Variants in ORC3 observed in about 807,000 individuals in gnomAD.
ORC3 encodes the protein homolog of latheo, Drosophila.
Under a neutral mutation model 100.7 loss-of-function variants are expected in ORC3, and 78 were observed. The ratio of observed to expected loss-of-function variants is 0.77; its 90% CI spans 0.65 to 0.94. The LOEUF (loss-of-function observed/expected upper bound fraction) is 0.94, where lower values mean the gene tolerates loss of function less well. Ranked by LOEUF, ORC3 falls within the 40% of genes least tolerant of loss-of-function variation. ORC3 has a pLI of 0.00. For synonymous variants in ORC3, 295 were observed against 289.3 expected (o/e 1.02, Z -0.20); for missense variants, 789 against 823.9 (o/e 0.96, Z 0.52).
intron 13 of ORC3, 66 bp from the exon 14 acceptor site, chr6:87,653,050 A>C (rs984804566): frequency 8.7e-6 from 11 of 1,267,940 alleles, no homozygotes; most frequent in Non-Finnish European, 1.2e-5. Flanking sequence ...TGTATATTAA[A>C]TAAAATGTTT....
chr6:87,672,477 A>AAGAG, the ORC3 span, among the ~76,000 whole-genome samples: 1 of 152,228 alleles, frequency 6.6e-6, no homozygotes, highest in East Asian at 1.9e-4. Flanking sequence ...ATGCAGGAGC[A>AAGAG]AGAGAATTGT....
Position 87,656,804 on chromosome 6 carries a change from A to T in ORC3, c.1517-102A>T, listed in dbSNP as rs113065927. On this transcript the variant is annotated intron_variant, in intron 14 of 19. Transcript: ENST00000392844. ...TCTTGATCCCTTGCCACATTAAAAA[A>T]ATATATATAGGTGAAACTTTTACTT... 3.2e-4 allele frequency: 225 copies of T among 713,150 alleles called. 1 individual carries two copies. In the African/African-American group the frequency reaches 3.4e-3, roughly 11 times the overall value. The allele number at this position is 713,150 out of a possible 1,614,324, so 44.2% of individuals were successfully genotyped here. A position where few individuals can be genotyped will look rare whatever the true frequency, so the allele number is the denominator to read the frequency against.
chr6:87,645,803 A>G (rs528693427), intron 13 of ORC3, among the ~76,000 whole-genome samples: 1 of 152,234 alleles, frequency 6.6e-6, no homozygotes, highest in African/African-American at 2.4e-5. Context: ...GCTTTTAATG[A>G]TTGCTTAATG....
intron 16 of ORC3, among the ~76,000 whole-genome samples, chr6:87,658,584 G>C (rs1206951799): frequency 6.6e-6 from 1 of 152,028 alleles, no homozygotes; most frequent in East Asian, 1.9e-4. Flanking sequence ...TACTTCATTA[G>C]GTCAGGTGGG....
At chr6:87,642,641 G>A (rs191442119) in intron 13 of ORC3, among the ~76,000 whole-genome samples, 13 of 151,988 alleles carry the variant, frequency 8.6e-5, no homozygotes, top group South Asian at 2.1e-4. Context: ...GGTGGCTCAC[G>A]CCTGTAATCC....
intron 16 of ORC3, among the ~76,000 whole-genome samples, chr6:87,658,612 G>A (rs1041119077): frequency 6.6e-6 from 1 of 152,142 alleles, no homozygotes; most frequent in Non-Finnish European, 1.5e-5. Flanking sequence ...GAGATAGAAA[G>A]TGAATGTTTC....
intron 2 of ORC3, among the ~76,000 whole-genome samples, chr6:87,598,392 A>T (rs1777622050): frequency 6.6e-6 from 1 of 152,232 alleles, no homozygotes; most frequent in African/African-American, 2.4e-5. Context: ...GAAATATATA[A>T]GGATACTTAG....
chr6:87,643,440 A>T (rs1768440923), intron 13 of ORC3, among the ~76,000 whole-genome samples: 1 of 151,622 alleles, frequency 6.6e-6, no homozygotes, highest in Non-Finnish European at 1.5e-5. Context: ...GGAGGGGGAA[A>T]CTTTTGAGGA....
chr6:87,627,058 C>T (rs1329685126), intron 11 of ORC3, among the ~76,000 whole-genome samples: 1 of 151,344 alleles, frequency 6.6e-6, no homozygotes, highest in Non-Finnish European at 1.5e-5. Flanking sequence ...AGTGTAATGG[C>T]GTTATCTCGG....
chr6:87,599,190 A>G (rs936302148), intron 2 of ORC3, among the ~76,000 whole-genome samples: 1 of 152,128 alleles, frequency 6.6e-6, no homozygotes, highest in African/African-American at 2.4e-5. Flanking sequence ...CCCAGTTTCT[A>G]AGAGGTTTTT....
intron 13 of ORC3, among the ~76,000 whole-genome samples, chr6:87,640,790 G>A (rs961714638): frequency 2.2e-4 from 34 of 152,180 alleles, no homozygotes; most frequent in African/African-American, 7.9e-4. Context: ...CATAAATAAG[G>A]TTTTAAGGGT....
At chr6:87,590,230 G>C in intron 1 of ORC3, 38 bp downstream of exon 1, 1 of 1,605,534 alleles carries the variant, frequency 6.2e-7, no homozygotes, top group African/African-American at 1.3e-5. Flanking sequence ...CTCTACCGCT[G>C]CCTCATTCCC....
intron 8 of ORC3, among the ~76,000 whole-genome samples, chr6:87,615,812 G>A (rs568223313): frequency 6.6e-6 from 1 of 152,264 alleles, no homozygotes; most frequent in South Asian, 2.1e-4. Context: ...CATCACTATA[G>A]ACAATTGAAA....
In ORC3 at chr6:87,594,374, A is replaced by T. The variant is rs1240957378; in HGVS notation, c.46A>T (p.Asn16Tyr). 1 of 1,585,270 alleles carries T rather than the reference A, an allele frequency of 6.3e-7. No homozygotes were observed. The highest frequency in any genetic ancestry group is 1.3e-5 in the African/African-American group (1 of 74,576). The change falls in exon 2 of 20, where the codon AAC (asparagine) becomes TAC (tyrosine). Residue 16 changes from asparagine to tyrosine, a missense_variant. Transcript: ENST00000392844. Reference protein sequence around the residue: ...MSKGCFVFKPNSKKRKISLPI... With the variant: ...MSKGCFVFKPYSKKRKISLPI... ...ATAGGGTTGCTTTGTTTTTAAGCCAAACTCCAAAAAGAGAAAGATCTCTCT... is the reference window on the plus strand; with the variant it reads ...ATAGGGTTGCTTTGTTTTTAAGCCATACTCCAAAAAGAGAAAGATCTCTCT...
downstream of ORC3, among the ~76,000 whole-genome samples, chr6:87,667,947 T>G (rs780320480): frequency 6.6e-4 from 100 of 150,846 alleles, 1 homozygote; most frequent in Non-Finnish European, 8.0e-4. Context: ...AGTCCCAAAC[T>G]GTTTGGCTTT....
chr6:87,656,595 A>G (rs1769713777), intron 14 of ORC3, among the ~76,000 whole-genome samples: 2 of 152,040 alleles, frequency 1.3e-5, no homozygotes, highest in Admixed American at 6.5e-5. Context: ...TGAAAAAAAA[A>G]AATTTTTTTT....
chr6:87,613,836 C>CCTTGAA (rs1368771730), intron 8 of ORC3, among the ~76,000 whole-genome samples: 1 of 152,216 alleles, frequency 6.6e-6, no homozygotes, highest in Non-Finnish European at 1.5e-5. Context: ...GGCAGCTTCA[C>CCTTGAA]CCCTGTTGCT....
At chr6:87,672,289 AAAT>A (rs1490571092), downstream of ORC3, among the ~76,000 whole-genome samples, 1 of 152,268 alleles carries the variant, frequency 6.6e-6, no homozygotes, top group Non-Finnish European at 1.5e-5. Context: ...GGGAGCACTA[AAAT>A]AATCACTAGC....
chr6:87,626,253 T>C (rs945941990), intron 11 of ORC3, among the ~76,000 whole-genome samples: 1 of 152,228 alleles, frequency 6.6e-6, no homozygotes, highest in African/African-American at 2.4e-5. Flanking sequence ...GGGGATGGCA[T>C]TGAATCTATA....
Sources: gnomAD v4.1 joint callset for allele counts (sites outside exome capture counted in the v4.1 genomes callset) on GRCh38, gnomAD v4.1.1 for gene constraint, MANE v1.5 for transcripts, NCBI Gene and HGNC (gene_info 2026-07-23, HGNC 2026-07-21) for gene names.